The following SLC4A4 variants were observed in gnomAD, a reference collection of about 807,000 sequenced individuals.
SLC4A4 encodes the protein electrogenic sodium bicarbonate cotransporter 1.
SLC4A4 carries 27 observed loss-of-function variants against 111.5 expected under a neutral mutation model. The ratio of observed to expected loss-of-function variants is 0.24; its 90% CI spans 0.18 to 0.33. SLC4A4 has a LOEUF of 0.33. Among genes scored for constraint, SLC4A4 ranks in the 10% least tolerant of loss-of-function variants. The probability of loss-of-function intolerance (pLI) is 1.00; values close to 1 mark genes in which losing one functional copy is unlikely to be tolerated. For missense variants in SLC4A4, 909 were observed against 1,315.5 expected (o/e 0.69, Z 4.78); for synonymous variants, 443 against 463.4 (o/e 0.96, Z 0.57).
At chr4:71,402,600 CTG>C (rs1397457321) in intron 7 of SLC4A4, among the ~76,000 whole-genome samples, 1 of 152,186 alleles carries the variant, frequency 6.6e-6, no homozygotes, top group Non-Finnish European at 1.5e-5. Flanking sequence ...TGAGACATTG[CTG>C]TGTTAGAGGA....
intron 1 of SLC4A4, among the ~76,000 whole-genome samples, chr4:71,087,924 C>T (rs977587702): frequency 4.0e-5 from 6 of 151,892 alleles, no homozygotes; most frequent in Admixed American, 3.9e-4. Context: ...ATTAGGTCTG[C>T]TTGGTGCAGA....
chr4:71,346,376 G>A (rs1396984552), intron 4 of SLC4A4, among the ~76,000 whole-genome samples: 1 of 152,030 alleles, frequency 6.6e-6, no homozygotes, highest in Non-Finnish European at 1.5e-5. Flanking sequence ...CAAAAAGAAA[G>A]TGGGAAACTT....
chr4:71,561,285 C>G (rs1018049224), intron 23 of SLC4A4, among the ~76,000 whole-genome samples: 1 of 151,700 alleles, frequency 6.6e-6, no homozygotes, highest in African/African-American at 2.4e-5. Context: ...GAGATTTAGA[C>G]TGAGAAATGT....
chr4:71,486,128 G>A (rs935597936), intron 14 of SLC4A4, among the ~76,000 whole-genome samples: 1 of 151,366 alleles, frequency 6.6e-6, no homozygotes, highest in Non-Finnish European at 1.5e-5. Flanking sequence ...AAACCCTGAT[G>A]TGTTGTTTTA....
chr4:71,283,675 G>A (rs1031271378), intron 3 of SLC4A4, among the ~76,000 whole-genome samples: 1 of 152,142 alleles, frequency 6.6e-6, no homozygotes, highest in Non-Finnish European at 1.5e-5. Context: ...TATCCATTAA[G>A]CATGTATTGC....
At chr4:71,290,074 G>T (rs915424348) in intron 3 of SLC4A4, among the ~76,000 whole-genome samples, 1 of 152,124 alleles carries the variant, frequency 6.6e-6, no homozygotes, top group Non-Finnish European at 1.5e-5. Context: ...GGGAAAGTCT[G>T]CTGGGTTAGG....
At chr4:71,241,223 C>T (rs1345248679) in intron 2 of SLC4A4, among the ~76,000 whole-genome samples, 1 of 152,098 alleles carries the variant, frequency 6.6e-6, no homozygotes. Context: ...GGTATTACTC[C>T]TGCTTGATTT....
At chr4:71,173,618 G>T (rs183288706) in intron 2 of SLC4A4, among the ~76,000 whole-genome samples, 35 of 152,134 alleles carry the variant, frequency 2.3e-4, no homozygotes, top group Admixed American at 1.0e-3. Flanking sequence ...CTCGTGATCT[G>T]CCTGCCTCAG....
intron 3 of SLC4A4, among the ~76,000 whole-genome samples, chr4:71,298,104 A>G (rs1205412816): frequency 2.6e-5 from 4 of 152,172 alleles, no homozygotes; most frequent in Admixed American, 6.5e-5. Context: ...TATATTTAAA[A>G]GCATTTTGTG....
At chr4:71,453,416 G>T in intron 11 of SLC4A4, 79 bp from the exon 12 acceptor site, 1 of 1,357,544 alleles carries the variant, frequency 7.4e-7, no homozygotes, top group South Asian at 1.2e-5. Flanking sequence ...TGTTGTGTTT[G>T]ATTTAATGAG....
chr4:71,135,527 C>T (rs376732641), intron 2 of SLC4A4, among the ~76,000 whole-genome samples: 40 of 152,190 alleles, frequency 2.6e-4, no homozygotes, highest in African/African-American at 9.6e-4. Flanking sequence ...AACTCCTGAC[C>T]TCAGGTGATC....
chr4:71,536,784 A>G lies in SLC4A4; in HGVS notation c.2442+2396A>G, dbSNP rs535949818. Reference sequence around the variant, plus strand: ...GCTGGGATTACAGGCATGAGCCACCATGCCTGGCCCATTTAAGCATATTCT... The same window carrying G: ...GCTGGGATTACAGGCATGAGCCACCGTGCCTGGCCCATTTAAGCATATTCT... On this transcript the variant is annotated intron_variant, in intron 18 of 25. Transcript: ENST00000264485. Among the ~76,000 whole-genome samples, 95 of 151,554 alleles carry G rather than the reference A, an allele frequency of 6.3e-4. No homozygotes were observed. In the South Asian group the frequency reaches 7.1e-3, roughly 11 times the overall value.
At chr4:71,295,409 A>G (rs1274682196) in intron 3 of SLC4A4, among the ~76,000 whole-genome samples, 1 of 152,150 alleles carries the variant, frequency 6.6e-6, no homozygotes, top group Non-Finnish European at 1.5e-5. Context: ...CATCCTTTTA[A>G]ATATCAACAG....
chr4:71,222,267 C>T (rs1296496438), intron 1 of SLC4A4, among the ~76,000 whole-genome samples: 1 of 152,174 alleles, frequency 6.6e-6, no homozygotes, highest in African/African-American at 2.4e-5. Flanking sequence ...CTGGCTATTT[C>T]CTGCCTCAGG....
At chr4:71,561,093 C>T (rs1392417235) in intron 23 of SLC4A4, among the ~76,000 whole-genome samples, 1 of 151,730 alleles carries the variant, frequency 6.6e-6, no homozygotes, top group Admixed American at 6.6e-5. Context: ...CTGGATTTTA[C>T]ACAGTGCAGT....
intron 16 of SLC4A4, among the ~76,000 whole-genome samples, chr4:71,512,665 T>C (rs1732037295): frequency 6.6e-6 from 1 of 151,948 alleles, no homozygotes; most frequent in African/African-American, 2.4e-5. Context: ...TATTTTTGTT[T>C]GGTTGCCAAT....
intron 3 of SLC4A4, among the ~76,000 whole-genome samples, chr4:71,273,169 G>A (rs1009999785): frequency 6.6e-6 from 1 of 152,204 alleles, no homozygotes; most frequent in Non-Finnish European, 1.5e-5. Context: ...TAGATGAAAT[G>A]TAGAGAAGTG....
chr4:71,463,409 A>AT (rs1727020712), intron 12 of SLC4A4, among the ~76,000 whole-genome samples: 2 of 152,150 alleles, frequency 1.3e-5, no homozygotes, highest in Admixed American at 6.5e-5. Flanking sequence ...ATTACATGTT[A>AT]TTTTTTAAAT....
chr4:71,452,311 T>C (rs961752345), intron 11 of SLC4A4, among the ~76,000 whole-genome samples: 1 of 152,200 alleles, frequency 6.6e-6, no homozygotes, highest in African/African-American at 2.4e-5. Context: ...TTGTAAATTA[T>C]TTCCATTAGG....
Sources: allele counts gnomAD v4.1 joint callset (sites outside exome capture counted in the v4.1 genomes callset), GRCh38; gene constraint gnomAD v4.1.1; transcripts MANE v1.5; gene names NCBI Gene and HGNC (gene_info 2026-07-23, HGNC 2026-07-21).